The following MRPS6 variants were observed in gnomAD, a reference collection of about 807,000 sequenced individuals.
MRPS6 encodes the protein small ribosomal subunit protein bS6m.
Under a neutral mutation model 13.1 loss-of-function variants are expected in MRPS6, and 6 were observed. The ratio of observed to expected loss-of-function variants is 0.46; its 90% CI spans 0.25 to 0.91. The LOEUF is 0.91. Among genes scored for constraint, MRPS6 ranks in the 40% least tolerant of loss-of-function variants. MRPS6 has a pLI of 0.18. For missense variants in MRPS6, 164 were observed against 155.6 expected (o/e 1.05, Z -0.29); for synonymous variants, 61 against 56.5 (o/e 1.08, Z -0.36).
At chr21:34,095,647 T>A in intron 1 of MRPS6, 1 of 1,613,870 alleles carries the variant, frequency 6.2e-7, no homozygotes, top group Non-Finnish European at 8.5e-7. Flanking sequence ...GCCCTTTTTA[T>A]CCAGGAGTCT....
intron 1 of MRPS6, among the ~76,000 whole-genome samples, chr21:34,082,058 T>G (rs528795544): frequency 1.3e-5 from 2 of 151,542 alleles, no homozygotes; most frequent in African/African-American, 4.9e-5. Flanking sequence ...AAATCTGGTT[T>G]TTTTTTTTTT....
intron 2 of MRPS6, among the ~76,000 whole-genome samples, chr21:34,127,900 G>A (rs1980363743): frequency 6.6e-6 from 1 of 152,220 alleles, no homozygotes; most frequent in Non-Finnish European, 1.5e-5. Flanking sequence ...AGCATTCAAA[G>A]TTTTGGCTCT....
intron 1 of MRPS6, chr21:34,104,258 T>G: frequency 1.0e-6 from 1 of 1,000,188 alleles, no homozygotes; most frequent in African/African-American, 1.7e-5. Flanking sequence ...GTGGAGAGGA[T>G]TCTTTCACTT....
chr21:34,102,127 AT>A (rs1283734749), intron 1 of MRPS6: 1 of 1,000,064 alleles, frequency 1.0e-6, no homozygotes, highest in East Asian at 1.1e-4. Context: ...GTCACTTAAT[AT>A]GGAATGTTTT....
At chr21:34,092,449 CG>C (rs1255877321) in intron 1 of MRPS6, among the ~76,000 whole-genome samples, 1 of 152,136 alleles carries the variant, frequency 6.6e-6, no homozygotes, top group Non-Finnish European at 1.5e-5. Context: ...GAAGCCTAGG[CG>C]GAGAGTTGAG....
intron 1 of MRPS6, among the ~76,000 whole-genome samples, chr21:34,089,013 G>C (rs1248249459): frequency 6.6e-6 from 1 of 152,020 alleles, no homozygotes; most frequent in Non-Finnish European, 1.5e-5. Context: ...AATAGGCATT[G>C]CTGCTCTGTT....
At position 34,125,318 on chromosome 21, in the gene MRPS6, T is replaced by C. The variant is rs948577167; in HGVS notation, c.46-23T>C. ...AATTCTGATGCTTTTTTTTCTTTTC[T>C]TTAAAAACACAAACAAAAACAGCCA... On this transcript the variant is annotated intron_variant, in intron 1 of 2. Coordinates refer to ENST00000399312, the MANE Select transcript of MRPS6 (RefSeq NM_032476.4). 5 of 1,602,426 alleles carry C rather than the reference T, an allele frequency of 3.1e-6. No homozygotes were observed. In the African/African-American group the frequency reaches 6.8e-5, roughly 22 times the overall value.
At chr21:34,109,670 C>T (rs1382837338) in intron 1 of MRPS6, among the ~76,000 whole-genome samples, 2 of 152,120 alleles carry the variant, frequency 1.3e-5, no homozygotes, top group African/African-American at 4.8e-5. Flanking sequence ...TGTCACTTCA[C>T]CCCCACTTCC....
intron 1 of MRPS6, among the ~76,000 whole-genome samples, chr21:34,109,227 G>GT (rs914983841): frequency 4.6e-5 from 7 of 151,784 alleles, no homozygotes; most frequent in Admixed American, 1.3e-4. Context: ...CTTCAAGATA[G>GT]TTTTTTTTCT....
At chr21:34,126,081 G>A (rs1446284837) in intron 2 of MRPS6, among the ~76,000 whole-genome samples, 1 of 152,142 alleles carries the variant, frequency 6.6e-6, no homozygotes, top group African/African-American at 2.4e-5. Flanking sequence ...TTCTCATGTT[G>A]TAGGATTTCC....
chr21:34,074,013 G>A (rs1447639782), intron 1 of MRPS6, among the ~76,000 whole-genome samples: 1 of 146,090 alleles, frequency 6.8e-6, no homozygotes, highest in Non-Finnish European at 1.5e-5. Flanking sequence ...CCGCCGGGCG[G>A]GGGGCGGGGC....
At chr21:34,081,383 C>G (rs2850032) in intron 1 of MRPS6, among the ~76,000 whole-genome samples, 1 of 152,090 alleles carries the variant, frequency 6.6e-6, no homozygotes, top group Admixed American at 6.6e-5. Flanking sequence ...TAATAAAATA[C>G]TTAAGGTACG....
At chr21:34,111,050 T>C (rs1445799313) in intron 1 of MRPS6, among the ~76,000 whole-genome samples, 5 of 152,124 alleles carry the variant, frequency 3.3e-5, no homozygotes, top group Non-Finnish European at 7.4e-5. Flanking sequence ...TTGTTTATGA[T>C]ATGTGAGCTG....
At chr21:34,106,753 A>G (rs561355085) in intron 1 of MRPS6, among the ~76,000 whole-genome samples, 47 of 152,352 alleles carry the variant, frequency 3.1e-4, no homozygotes, top group Middle Eastern at 3.4e-3. Flanking sequence ...ATCAAACTGG[A>G]CAGAGAAACA....
chr21:34,127,838 T>A (rs79467109), intron 2 of MRPS6, among the ~76,000 whole-genome samples: 4,958 of 152,322 alleles, frequency 0.033, 223 homozygotes, highest in African/African-American at 0.096. Context: ...CTGGGAGACT[T>A]GCTTTTCTGA....
chr21:34,086,444 T>C (rs1031433769), intron 1 of MRPS6, among the ~76,000 whole-genome samples: 1 of 152,134 alleles, frequency 6.6e-6, no homozygotes, highest in Non-Finnish European at 1.5e-5. Context: ...GGTGGTGATT[T>C]TTCTCATTAC....
At chr21:34,107,199 T>C (rs2148663644) in intron 1 of MRPS6, among the ~76,000 whole-genome samples, 1 of 152,370 alleles carries the variant, frequency 6.6e-6, no homozygotes, top group South Asian at 2.1e-4. Flanking sequence ...CCCAAAGTGC[T>C]GGGATTACAG....
chr21:34,099,808 C>A, intron 1 of MRPS6: 1 of 729,218 alleles, frequency 1.4e-6, no homozygotes, highest in Non-Finnish European at 1.7e-6. Flanking sequence ...ATTGTTTATT[C>A]TTGCCAGTAT....
At chr21:34,142,139 G>T (rs1005869681) in intron 2 of MRPS6, among the ~76,000 whole-genome samples, 3 of 152,198 alleles carry the variant, frequency 2.0e-5, no homozygotes, top group Non-Finnish European at 2.9e-5. Context: ...GTCACAGTGT[G>T]TTTTTGCTGC....
Sources: allele counts gnomAD v4.1 joint callset (sites outside exome capture counted in the v4.1 genomes callset), GRCh38; gene constraint gnomAD v4.1.1; transcripts MANE v1.5; gene names NCBI Gene and HGNC (gene_info 2026-07-23, HGNC 2026-07-21).